CRIM1: variants seen among roughly 807,000 people sequenced by gnomAD.
CRIM1 encodes the protein cysteine rich transmembrane BMP regulator 1, also known as cysteine-rich motor neuron 1 protein.
Under a neutral mutation model 116.4 loss-of-function variants are expected in CRIM1, and 32 were observed. The ratio of observed to expected loss-of-function variants is 0.27; its 90% CI spans 0.21 to 0.37. The LOEUF is 0.37. CRIM1 is among the 10% of genes least tolerant of loss of function. The pLI is 1.00. For synonymous variants in CRIM1, 590 were observed against 509.2 expected (o/e 1.16, Z -2.13); for missense variants, 1,331 against 1,354.8 (o/e 0.98, Z 0.28).
At chr2:36,540,806 C>T (rs1039676972) in intron 14 of CRIM1, among the ~76,000 whole-genome samples, 4 of 152,184 alleles carry the variant, frequency 2.6e-5, no homozygotes, top group African/African-American at 9.6e-5. Flanking sequence ...CAAATGTCCT[C>T]GGTGTGATAA....
chr2:36,535,992 T>A (rs1256824555), intron 13 of CRIM1, among the ~76,000 whole-genome samples: 1 of 152,214 alleles, frequency 6.6e-6, no homozygotes, highest in Non-Finnish European at 1.5e-5. Context: ...TTGGTATCCA[T>A]GGGGTCCTAG....
intron 14 of CRIM1, among the ~76,000 whole-genome samples, chr2:36,542,335 C>A (rs186356366): frequency 1.3e-5 from 2 of 152,312 alleles, no homozygotes; most frequent in East Asian, 1.9e-4. Context: ...AGAAGACATC[C>A]TCCTTCACCA....
At chr2:36,363,090 C>T (rs1012368631) in intron 1 of CRIM1, among the ~76,000 whole-genome samples, 2 of 151,250 alleles carry the variant, frequency 1.3e-5, no homozygotes, top group African/African-American at 4.9e-5. Flanking sequence ...ATCCCAGCTA[C>T]TAGGGAGGCT....
In CRIM1 at chr2:36,430,322, A is replaced by G. The variant is rs186892048; in HGVS notation, c.506-10936A>G. 5.2e-4 allele frequency among the ~76,000 whole-genome samples: 79 copies of G among 152,324 alleles called. No homozygotes were observed. The East Asian group carries it at 9.1e-3, about 17-fold the overall frequency. On this transcript the variant is annotated intron_variant, in intron 2 of 16. Transcript: ENST00000280527. ...AAAGTATGATTTCCATGTAAGGGCT[A>G]CCAAGAATATAAGTACCTATTTAAT...
chr2:36,419,250 C>T (rs1475413720), intron 2 of CRIM1, among the ~76,000 whole-genome samples: 1 of 152,182 alleles, frequency 6.6e-6, no homozygotes, highest in Non-Finnish European at 1.5e-5. Context: ...AGAGGACTTA[C>T]TCTCTGCAAC....
At chr2:36,478,390 C>G (rs1679150319) in intron 6 of CRIM1, among the ~76,000 whole-genome samples, 1 of 152,166 alleles carries the variant, frequency 6.6e-6, no homozygotes, top group Non-Finnish European at 1.5e-5. Context: ...AATGTAGATA[C>G]GAACCTCTGT....
Position 36,513,029 on chromosome 2 carries a change from A to G in CRIM1, c.1781-527A>G, listed in dbSNP as rs539129848. Among the ~76,000 whole-genome samples the G allele has an allele frequency of 4.5e-4, 68 of 152,332 alleles. 1 individual carries two copies. The Middle Eastern group carries it at 0.034, about 76-fold the overall frequency. ...TTGTACTTGTCAGCATGATGCACAG[A>G]TTAAACTATAAAAGATTCCTAAACT... On this transcript the variant is annotated intron_variant, in intron 10 of 16. Transcript: ENST00000280527.
intron 2 of CRIM1, among the ~76,000 whole-genome samples, chr2:36,437,885 G>C (rs1003660824): frequency 2.6e-5 from 4 of 152,072 alleles, no homozygotes; most frequent in Non-Finnish European, 5.9e-5. Context: ...TGTAATCCCA[G>C]CACTTTGGGA....
At position 36,356,752 on chromosome 2, in the gene CRIM1, C is replaced by A. The variant is rs1481285951; in HGVS notation, c.331+129C>A. 2 of 902,380 alleles carry A rather than the reference C, an allele frequency of 2.2e-6. No individual in the cohort carries two copies. Among genetic ancestry groups the A allele is most frequent in the African/African-American group, 3.4e-5 (2 of 59,370 alleles). 55.9% of individuals were successfully genotyped at this position (902,380 alleles called of 1,614,324 possible). A position where few individuals can be genotyped will look rare whatever the true frequency, so the allele number is the denominator to read the frequency against. On this transcript the variant is annotated intron_variant, in intron 1 of 16. Coordinates refer to ENST00000280527, the MANE Select transcript of CRIM1 (RefSeq NM_016441.3). The surrounding 1 kb of genome is among the most constrained non-coding windows in gnomAD (Gnocchi z 4.3). Reference sequence around the variant, plus strand: ...GCTCTGCGGGAAGAGGGGCGGCCGCCGCCCCCAGGAGAGTGCCCCCGCGGC... The same window carrying A: ...GCTCTGCGGGAAGAGGGGCGGCCGCAGCCCCCAGGAGAGTGCCCCCGCGGC...
At chr2:36,538,617 G>A (rs1164195978) in intron 14 of CRIM1, among the ~76,000 whole-genome samples, 2 of 152,174 alleles carry the variant, frequency 1.3e-5, no homozygotes, top group Non-Finnish European at 2.9e-5. Context: ...CTTTTGTTTA[G>A]GCGTTGTGCA....
At chr2:36,516,849 C>T (rs796286762) in intron 11 of CRIM1, among the ~76,000 whole-genome samples, 9 of 152,310 alleles carry the variant, frequency 5.9e-5, no homozygotes, top group Admixed American at 2.0e-4. Flanking sequence ...CAGTTTCCCT[C>T]GTCTCTCCCT....
At chr2:36,363,200 A>G (rs1366369615) in intron 1 of CRIM1, among the ~76,000 whole-genome samples, 1 of 129,694 alleles carries the variant, frequency 7.7e-6, no homozygotes, top group African/African-American at 3.1e-5. Context: ...ACCCTGTCTC[A>G]AAAAAAAAAA....
intron 12 of CRIM1, 55 bp downstream of exon 12, chr2:36,517,597 G>T (rs1169474489): frequency 1.2e-5 from 18 of 1,549,540 alleles, no homozygotes; most frequent in Non-Finnish European, 1.5e-5. Context: ...AGCTCTGGGT[G>T]TTGTCATTCT....
chr2:36,410,813 G>A (rs1673147311), intron 2 of CRIM1, among the ~76,000 whole-genome samples: 1 of 152,018 alleles, frequency 6.6e-6, no homozygotes, highest in African/African-American at 2.4e-5. Context: ...CAGTGTACAT[G>A]AAAAGACACT....
chr2:36,454,391 CAT>C (rs1423053215), intron 4 of CRIM1, among the ~76,000 whole-genome samples: 1 of 152,206 alleles, frequency 6.6e-6, no homozygotes, highest in Non-Finnish European at 1.5e-5. Context: ...CACACACACA[CAT>C]ACAGCATCAG....
intron 12 of CRIM1, among the ~76,000 whole-genome samples, chr2:36,521,587 C>T (rs188133775): frequency 1.0e-3 from 154 of 152,242 alleles, no homozygotes; most frequent in African/African-American, 3.1e-3. Context: ...GTGTCACAGC[C>T]GTGATCAACG....
chr2:36,539,778 T>A (rs1666819205), intron 14 of CRIM1, among the ~76,000 whole-genome samples: 1 of 151,960 alleles, frequency 6.6e-6, no homozygotes, highest in South Asian at 2.1e-4. Context: ...GACATTTTGG[T>A]TTGGGGCATT....
At chr2:36,423,884 T>C (rs1263791220) in intron 2 of CRIM1, among the ~76,000 whole-genome samples, 2 of 152,218 alleles carry the variant, frequency 1.3e-5, no homozygotes, top group South Asian at 2.1e-4. Flanking sequence ...TTTATTATTT[T>C]ATAGATGAGG....
At chr2:36,386,545 A>G (rs554721121) in intron 1 of CRIM1, among the ~76,000 whole-genome samples, 10 of 152,362 alleles carry the variant, frequency 6.6e-5, no homozygotes, top group African/African-American at 2.4e-4. Flanking sequence ...TTGCTGCTCA[A>G]AGATTCACAT....
Sources: allele counts gnomAD v4.1 joint callset (sites outside exome capture counted in the v4.1 genomes callset), GRCh38; gene constraint gnomAD v4.1.1; non-coding constraint Gnocchi (gnomAD v3.1); transcripts MANE v1.5; gene names NCBI Gene and HGNC (gene_info 2026-07-23, HGNC 2026-07-21).